The following RTTN variants were observed in gnomAD, a reference collection of about 807,000 sequenced individuals.
RTTN encodes the protein rotatin.
A neutral mutation model predicts 269.2 loss-of-function variants in RTTN; 182 were observed. The observed-to-expected ratio is 0.68, with a 90% CI of 0.60 to 0.76. The LOEUF (loss-of-function observed/expected upper bound fraction) is 0.76, where lower values mean the gene tolerates loss of function less well. Ranked by LOEUF, RTTN falls within the 30% of genes least tolerant of loss-of-function variation. RTTN has a pLI of 0.00. For synonymous variants in RTTN, 1,006 were observed against 963.5 expected (o/e 1.04, Z -0.82); for missense variants, 2,545 against 2,608.6 (o/e 0.98, Z 0.53).
chr18:70,118,469 C>T (rs996617196), intron 26 of RTTN, among the ~76,000 whole-genome samples: 4 of 151,890 alleles, frequency 2.6e-5, no homozygotes, highest in Non-Finnish European at 4.4e-5. Flanking sequence ...CAAAAAAAAG[C>T]CCAAGACCTG....
chr18:70,010,380 A>T (rs1312976752), intron 46 of RTTN, among the ~76,000 whole-genome samples: 2 of 152,322 alleles, frequency 1.3e-5, no homozygotes, highest in South Asian at 2.1e-4. Context: ...AAATCATAAC[A>T]AACAGTCTCT....
Position 70,028,729 on chromosome 18 carries a change from A to T in RTTN, c.5818T>A (p.Cys1940Ser), listed in dbSNP as rs1041094531. The change falls in exon 43 of 49, where the codon TGT becomes AGT. Residue 1940 changes from cysteine to serine, a missense_variant. Cys to Ser is a moderately radical substitution (Grantham distance 112, BLOSUM62 -1). Coordinates refer to ENST00000640769, the MANE Select transcript of RTTN (RefSeq NM_173630.4). ...LRNCLYQNEE[C>S]KEAALEAHLV... ...TGAAAAGTAGTTCTACTTACTTTACATTCCTCATTTTGATAAAGACAGTTT... is the reference window on the plus strand; with the variant it reads ...TGAAAAGTAGTTCTACTTACTTTACTTTCCTCATTTTGATAAAGACAGTTT... 3 of 1,603,664 alleles carry T rather than the reference A, an allele frequency of 1.9e-6. No individual in the cohort carries two copies. The highest frequency in any genetic ancestry group is 1.7e-6 in the Non-Finnish European group (2 of 1,172,602).
At chr18:70,023,437 T>C (rs1271076335) in intron 44 of RTTN, among the ~76,000 whole-genome samples, 2 of 152,222 alleles carry the variant, frequency 1.3e-5, no homozygotes, top group Non-Finnish European at 2.9e-5. Context: ...TGAGTGAACA[T>C]CAACACCTTA....
Position 70,054,124 on chromosome 18 carries a change from A to G in RTTN, c.5185+7T>C. On this transcript the variant is annotated splice_region_variant and intron_variant, in intron 38 of 48. Coordinates refer to ENST00000640769, the MANE Select transcript of RTTN (RefSeq NM_173630.4). ...CTTACATTCTAAACTAAAACAATTAAGCTTACCTAATACATCTTTGGTACA... is the reference window on the plus strand; with the variant it reads ...CTTACATTCTAAACTAAAACAATTAGGCTTACCTAATACATCTTTGGTACA... 6.2e-7 allele frequency: 1 copy of G among 1,607,716 alleles called. No homozygotes were observed.
In RTTN at chr18:70,196,585, C is replaced by G; in HGVS notation, c.757G>C (p.Val253Leu). The G allele has an allele frequency of 6.3e-7, 1 of 1,599,504 alleles. No individual in the cohort carries two copies. The highest frequency in any genetic ancestry group is 8.5e-7 in the Non-Finnish European group (1 of 1,175,632). The change falls in exon 7 of 49, where the codon GTG becomes CTG. Residue 253 changes from valine (V) to leucine (L), a missense_variant. By Grantham distance (32) the Val-to-Leu change is conservative. Coordinates refer to ENST00000640769, the MANE Select transcript of RTTN (RefSeq NM_173630.4). ...ATGCACAGCTGCTGCAGGCAGGACA[C>G]CGACTGTAATGCCAGGCGATGCTTT... ...DGKHRLALQS[V>L]SCLQQLCMYL... is the part of the protein sequence containing the mutation.
At position 70,122,003 on chromosome 18, in the gene RTTN, C is replaced by G. The variant is rs17233212; in HGVS notation, c.3384-303G>C. ...AAAATACCAAGGGGAAAAACACTGA[C>G]TCTAATAACCGCCCAGTGAAACTTG... On this transcript the variant is annotated intron_variant, in intron 25 of 48. Transcript: ENST00000640769. Among the ~76,000 whole-genome samples, 3,176 of 152,194 alleles carry G rather than the reference C, an allele frequency of 0.021. 48 individuals are homozygous for G. The highest frequency in any genetic ancestry group is 0.037 in the Middle Eastern group (11 of 294).
intron 3 of RTTN, 44 bp from the exon 4 acceptor site, chr18:70,202,027 G>T: frequency 9.0e-7 from 1 of 1,108,324 alleles, no homozygotes; most frequent in Admixed American, 2.0e-5. Context: ...TTCCTTATTT[G>T]CTAAAAGTGA....
chr18:70,053,425 C>T (rs1342500222), intron 38 of RTTN: 1 of 152,168 alleles, frequency 6.6e-6, no homozygotes, highest in Non-Finnish European at 1.5e-5. Flanking sequence ...TAAGGAATTA[C>T]TATTCCTTTA....
chr18:70,186,156 GTAATAACTA>G (rs2061541883), intron 10 of RTTN, among the ~76,000 whole-genome samples: 1 of 151,032 alleles, frequency 6.6e-6, no homozygotes, highest in Non-Finnish European at 1.5e-5. Context: ...AATGTTATTT[GTAATAACTA>G]GAAACAACCC....
In RTTN at chr18:70,004,020, G is replaced by C. The variant is rs1459079035; in HGVS notation, c.*131C>G. On this transcript the variant is annotated 3_prime_UTR_variant, in exon 49 of 49. Transcript: ENST00000640769. ...GAGTATCACCAGTTCTCTCTCTCATGGGAAAGAAGGGGATCAACACTTTGT... is the reference window on the plus strand; with the variant it reads ...GAGTATCACCAGTTCTCTCTCTCATCGGAAAGAAGGGGATCAACACTTTGT... 4.8e-6 allele frequency: 3 copies of C among 622,120 alleles called. No homozygotes were observed. The African/African-American group carries it at 5.5e-5, about 11-fold the overall frequency. 38.5% of individuals were successfully genotyped at this position (622,120 alleles called of 1,614,324 possible).
intron 32 of RTTN, among the ~76,000 whole-genome samples, chr18:70,077,344 A>G (rs954072875): frequency 5.3e-5 from 8 of 151,914 alleles, no homozygotes; most frequent in African/African-American, 1.9e-4. Flanking sequence ...AGAGAAGAGA[A>G]TGTAAACTGT....
chr18:70,042,366 CTTTTTTT>C (rs1017125527), intron 40 of RTTN, among the ~76,000 whole-genome samples: 11 of 78,070 alleles, frequency 1.4e-4, no homozygotes, highest in East Asian at 6.6e-4. Flanking sequence ...TTGGAATTTT[CTTTTTTT>C]TTTTTTTTTT....
At chr18:70,066,497 T>C (rs537243315) in intron 34 of RTTN, among the ~76,000 whole-genome samples, 1 of 152,328 alleles carries the variant, frequency 6.6e-6, no homozygotes, top group African/African-American at 2.4e-5. Flanking sequence ...AGGTTTATAA[T>C]GAGCAGACCG....
At position 70,088,017 on chromosome 18, in the gene RTTN, T is replaced by C. The variant is rs2058746944; in HGVS notation, c.4274A>G (p.Gln1425Arg). ...WGTVVNILLD[Q>R]SECSMVRREA... ...CCGGCGCACCATACTACATTCTGAC[T>C]GGTCCAGAAGAATGTTCACCACAGT... The change falls in exon 31 of 49, where the codon CAG (glutamine) becomes CGG (arginine). Residue 1425 changes from glutamine to arginine, a missense_variant. Transcript: ENST00000640769. 6.2e-7 allele frequency: 1 copy of C among 1,613,718 alleles called. No individual in the cohort carries two copies. The highest frequency in any genetic ancestry group is 8.5e-7 in the Non-Finnish European group (1 of 1,179,826).
At chr18:70,017,738 G>A in intron 45 of RTTN, 64 bp from the exon 46 acceptor site, 1 of 1,348,648 alleles carries the variant, frequency 7.4e-7, no homozygotes, top group African/African-American at 1.5e-5. Flanking sequence ...CTAGTCCCTT[G>A]GTGACCAATT....
In RTTN at chr18:70,166,104, T is replaced by G. The variant is rs377478983; in HGVS notation, c.1887A>C (p.Arg629=). 8 of 1,613,728 alleles carry G rather than the reference T, an allele frequency of 5.0e-6. No individual in the cohort carries two copies. In the African/African-American group the frequency reaches 1.1e-4, roughly 22 times the overall value. Residue 629 remains arginine (R), a synonymous_variant, in exon 14 of 49, where the codon CGA becomes CGC. Coordinates refer to ENST00000640769, the MANE Select transcript of RTTN (RefSeq NM_173630.4). ...LLHMLSHPLP[R]VKAETYHCCL... ...AGCAGTGGTAAGTTTCAGCTTTCAC[T>G]CGTGGCAATGGGTGAGACAACATAT... is the stretch of plus-strand genomic sequence containing the variant.
chr18:70,035,318 C>T (rs2057138580), intron 40 of RTTN, among the ~76,000 whole-genome samples: 1 of 152,196 alleles, frequency 6.6e-6, no homozygotes, highest in South Asian at 2.1e-4. Context: ...AACTATACTA[C>T]AGGGCTACAG....
intron 5 of RTTN, among the ~76,000 whole-genome samples, chr18:70,198,518 T>C (rs1054627960): frequency 3.9e-5 from 6 of 152,208 alleles, no homozygotes; most frequent in African/African-American, 1.2e-4. Flanking sequence ...CCCTAGTAAA[T>C]TGGTCTTTAT....
intron 25 of RTTN, among the ~76,000 whole-genome samples, chr18:70,124,463 T>C (rs114722494): frequency 6.6e-6 from 1 of 151,984 alleles, no homozygotes; most frequent in Non-Finnish European, 1.5e-5. Context: ...TCCACATACA[T>C]CACAGAGTAA....
Sources: allele counts gnomAD v4.1 joint callset (sites outside exome capture counted in the v4.1 genomes callset), GRCh38; gene constraint gnomAD v4.1.1; transcripts MANE v1.5; gene names NCBI Gene and HGNC (gene_info 2026-07-23, HGNC 2026-07-21).